Variants in POLQ observed in about 807,000 individuals in gnomAD.
The protein encoded by POLQ is epididymis secretory sperm binding protein.
In POLQ, 233 loss-of-function variants were observed where a neutral mutation model predicts 259.2. That is an observed-to-expected ratio of 0.90 (90% CI 0.81 to 1.00). The LOEUF (loss-of-function observed/expected upper bound fraction) is 1.00. Among genes scored for constraint, POLQ ranks in the 50% least tolerant of loss-of-function variants. POLQ has a pLI of 0.00. For synonymous variants in POLQ, 1,025 were observed against 1,048.8 expected (o/e 0.98, Z 0.44); for missense variants, 2,871 against 3,051.6 (o/e 0.94, Z 1.39).
chr3:121,469,054 G>A (rs74839123), intron 22 of POLQ, among the ~76,000 whole-genome samples: 2,120 of 152,134 alleles, frequency 0.014, 53 homozygotes, highest in African/African-American at 0.048. Flanking sequence ...GGGCATGATG[G>A]CGGGTGCCTG....
At chr3:121,493,075 G>A (rs983260409) in intron 15 of POLQ, among the ~76,000 whole-genome samples, 2 of 152,244 alleles carry the variant, frequency 1.3e-5, no homozygotes, top group Non-Finnish European at 2.9e-5. Flanking sequence ...GCTGAGGCAG[G>A]GGGATTGGCT....
Position 121,487,974 on chromosome 3 carries a change from G to A in POLQ, c.4957C>T (p.Leu1653=). ...QRILDKVSSP[L]ENEKLKSMTI... is the part of the protein sequence containing the mutation. ...ATTGATTTTAGCTTTTCATTTTCTA[G>A]AGGACTGGATACTTTATCTAAAATC... Residue 1653 remains leucine (L), a synonymous_variant, in exon 16 of 30, where the codon CTA becomes TTA. Coordinates refer to ENST00000264233, the MANE Select transcript of POLQ (RefSeq NM_199420.4). The A allele has an allele frequency of 6.2e-7, 1 of 1,608,190 alleles. No homozygotes were observed. The highest frequency in any genetic ancestry group is 8.5e-7 in the Non-Finnish European group (1 of 1,178,304).
rs142930622 is a variant in POLQ at position 121,432,393 on chromosome 3, T to C, written c.7684A>G (p.Met2562Val). 209 of 1,609,020 alleles carry C rather than the reference T, an allele frequency of 1.3e-4. 1 individual carries two copies. The highest frequency in any genetic ancestry group is 5.3e-5 in the Non-Finnish European group (62 of 1,178,046). The change falls in exon 30 of 30, where the codon ATG becomes GTG. Residue 2562 changes from methionine to valine, a missense_variant. This residue lies in a region of POLQ where 2,080 missense variants were observed against 2,126.0 expected (regional missense o/e 0.98). Coordinates refer to ENST00000264233, the MANE Select transcript of POLQ (RefSeq NM_199420.4). Reference sequence around the variant, plus strand: ...ACAGACAGTTTTACAGCACTTTCCATTTCATTCTTGACAATCTGAGCTACC... The same window carrying C: ...ACAGACAGTTTTACAGCACTTTCCACTTCATTCTTGACAATCTGAGCTACC... ...VQVAQIVKNE[M>V]ESAVKLSVKL...
intron 15 of POLQ, among the ~76,000 whole-genome samples, 195 bp downstream of exon 15, chr3:121,493,283 C>T (rs907036255): frequency 4.0e-5 from 6 of 148,768 alleles, no homozygotes; most frequent in Non-Finnish European, 7.4e-5. Flanking sequence ...GCCTGGGTAA[C>T]AAGAGTGAGA....
At position 121,496,825 on chromosome 3, in the gene POLQ, G is replaced by A. The variant is rs756379760; in HGVS notation, c.2261C>T (p.Ser754Leu). 17 of 1,612,988 alleles carry A rather than the reference G, an allele frequency of 1.1e-5. 1 individual carries two copies. Among genetic ancestry groups the A allele is most frequent in the South Asian group, 2.2e-5 (2 of 90,684 alleles). Residue 754 changes from serine (S) to leucine (L), a missense_variant, in exon 14 of 30, where the codon TCA (serine) becomes TTA (leucine). Transcript: ENST00000264233. ...TAACTGACCTGCATAAACAGCAGCTGACTGTTGCAAAGATTGAATCTGCCC... is the reference window on the plus strand; with the variant it reads ...TAACTGACCTGCATAAACAGCAGCTAACTGTTGCAAAGATTGAATCTGCCC... ...NRGQIQSLQQ[S>L]AAVYAGMITV...
In POLQ at chr3:121,489,649, T is replaced by C. The variant is rs1007001514; in HGVS notation, c.3282A>G (p.Ser1094=). The change falls in exon 16 of 30, where the codon TCA becomes TCG. Residue 1094 remains serine, a synonymous_variant. Coordinates refer to ENST00000264233, the MANE Select transcript of POLQ (RefSeq NM_199420.4). The stretch of plus-strand genomic sequence containing the variant: ...AAGATACATTTTTAGCAAATGGCCC[T>C]GAATTTCTAAATTCCGTTTTCTTCT... ...LDEKKTEFRN[S]GPFAKNVSLS... 1.9e-5 allele frequency: 31 copies of C among 1,614,030 alleles called. No individual in the cohort carries two copies. Among genetic ancestry groups the C allele is most frequent in the Non-Finnish European group, 2.5e-5 (30 of 1,179,968 alleles).
chr3:121,523,208 T>C (rs1036308124), intron 7 of POLQ, among the ~76,000 whole-genome samples: 3 of 151,854 alleles, frequency 2.0e-5, no homozygotes, highest in African/African-American at 4.8e-5. Context: ...CTTGTAGAGA[T>C]AGGGTCTCCC....
chr3:121,433,243 C>T (rs1382397801), intron 28 of POLQ, among the ~76,000 whole-genome samples: 1 of 152,170 alleles, frequency 6.6e-6, no homozygotes, highest in Non-Finnish European at 1.5e-5. Context: ...AAGAAGGAGT[C>T]TCCCAAAGAA....
chr3:121,469,908 T>C (rs997148154), intron 22 of POLQ, among the ~76,000 whole-genome samples: 4 of 152,172 alleles, frequency 2.6e-5, no homozygotes, highest in African/African-American at 9.7e-5. Flanking sequence ...AAAAGAAATG[T>C]TGCACATTTA....
rs1229812848 is a variant in POLQ, at chr3:121,453,803, C to A, written c.7153-4377G>T. Among the ~76,000 whole-genome samples the A allele has an allele frequency of 2.0e-5, 3 of 152,208 alleles. No individual in the cohort carries two copies. In the South Asian group the frequency reaches 6.2e-4, roughly 32 times the overall value. ...GAGAATGGAACCAAGTTGGAAAACA[C>A]TCTGCAGGATATAATCCAGGAGAAC... On this transcript the variant is annotated intron_variant, in intron 25 of 29. Coordinates refer to ENST00000264233, the MANE Select transcript of POLQ (RefSeq NM_199420.4).
chr3:121,489,586 T>C lies in POLQ; in HGVS notation c.3345A>G (p.Pro1115=). The C allele has an allele frequency of 1.9e-6, 3 of 1,613,018 alleles. No homozygotes were observed. Among genetic ancestry groups the C allele is most frequent in the South Asian group, 2.2e-5 (2 of 90,776 alleles). Residue 1115 remains proline, a synonymous_variant, in exon 16 of 30, where the codon CCA becomes CCG. Transcript: ENST00000264233. ...GKEKDNKTSF[P]LQIKQNCSWN... ...ATGAACAATTTTGCTTTATTTGTAA[T>C]GGGAATGATGTTTTATTATCTTTTT...
At chr3:121,439,424 G>A (rs1439469877) in intron 27 of POLQ, among the ~76,000 whole-genome samples, 1 of 152,022 alleles carries the variant, frequency 6.6e-6, no homozygotes, top group Non-Finnish European at 1.5e-5. Flanking sequence ...AGATATAGGT[G>A]ATCTCACTAT....
intron 27 of POLQ, 21 bp from the exon 28 acceptor site, chr3:121,436,296 GT>G (rs2047544199): frequency 1.9e-6 from 3 of 1,612,178 alleles, no homozygotes; most frequent in Non-Finnish European, 2.5e-6. Context: ...CAATCAACAG[GT>G]GCTCCACCAG....
chr3:121,473,606 T>C, intron 20 of POLQ, 119 bp from the exon 21 acceptor site: 2 of 909,912 alleles, frequency 2.2e-6, no homozygotes, highest in Non-Finnish European at 3.3e-6. Flanking sequence ...TGAAATAATG[T>C]TTCTGTGGAT....
At chr3:121,494,545 G>C in intron 14 of POLQ, 1 of 1,582,474 alleles carries the variant, frequency 6.3e-7, no homozygotes, top group Non-Finnish European at 8.6e-7. Flanking sequence ...TCACCACCTT[G>C]GTGGAGAACA....
At chr3:121,455,675 C>T (rs1171044879) in intron 25 of POLQ, among the ~76,000 whole-genome samples, 3 of 152,182 alleles carry the variant, frequency 2.0e-5, no homozygotes, top group African/African-American at 7.2e-5. Context: ...GCTCCCAAGA[C>T]TAAACCAGGA....
chr3:121,536,677 C>A lies in POLQ; in HGVS notation c.740+423G>T, dbSNP rs145142639. ...TGTTGTTGTTAGAGACATGGTCTTG[C>A]TCTGTTGCCCAGGCTAGAGTAAAGT... On this transcript the variant is annotated intron_variant, in intron 5 of 29. Transcript: ENST00000264233. Among the ~76,000 whole-genome samples the A allele has an allele frequency of 3.5e-3, 532 of 152,274 alleles. 4 individuals are homozygous for A. The highest frequency in any genetic ancestry group is 0.012 in the African/African-American group (501 of 41,548).
chr3:121,483,029 C>G (rs1482959435), intron 18 of POLQ, among the ~76,000 whole-genome samples: 1 of 152,136 alleles, frequency 6.6e-6, no homozygotes, highest in Non-Finnish European at 1.5e-5. Context: ...TGCCTCCACC[C>G]TCATGAATAT....
chr3:121,544,586 C>A, intron 2 of POLQ, 141 bp downstream of exon 2: 2 of 567,394 alleles, frequency 3.5e-6, no homozygotes, highest in South Asian at 5.3e-5. Context: ...TAAAACTCCA[C>A]TTTTCACACA....
Sources: allele counts gnomAD v4.1 joint callset (sites outside exome capture counted in the v4.1 genomes callset), GRCh38; gene constraint gnomAD v4.1.1; regional missense constraint gnomAD v4.1.1; transcripts MANE v1.5; gene names NCBI Gene and HGNC (gene_info 2026-07-23, HGNC 2026-07-21).